The following AP1G1 variants were observed in gnomAD, a reference collection of about 807,000 sequenced individuals.
AP1G1 encodes the protein AP-1 complex subunit gamma-1.
AP1G1 carries 7 observed loss-of-function variants against 108.3 expected under a neutral mutation model. That is an observed-to-expected ratio of 0.06 (90% CI 0.04 to 0.12). The LOEUF is 0.12. Among genes scored for constraint, AP1G1 ranks in the 10% least tolerant of loss-of-function variants. AP1G1 has a pLI of 1.00. For synonymous variants in AP1G1, 379 were observed against 353.5 expected, an observed-to-expected ratio of 1.07 and a Z score of -0.81; for missense variants, 756 against 1,010.7, an observed-to-expected ratio of 0.75 and a Z score of 3.42.
chr16:71,801,044 T>A (rs1597092692), intron 1 of AP1G1, among the ~76,000 whole-genome samples: 1 of 151,310 alleles, frequency 6.6e-6, no homozygotes, highest in Non-Finnish European at 1.5e-5. Context: ...CGGTGGCTCA[T>A]GCCTGTAATC....
intron 1 of AP1G1, among the ~76,000 whole-genome samples, chr16:71,798,893 G>GA (rs796407724): frequency 4.6e-4 from 63 of 137,302 alleles, no homozygotes; most frequent in South Asian, 3.7e-3. Flanking sequence ...TGTCTCCCAG[G>GA]AAAAAAAAAA....
At chr16:71,740,813 TG>T (rs2045609962) in intron 19 of AP1G1, among the ~76,000 whole-genome samples, 1 of 152,078 alleles carries the variant, frequency 6.6e-6, no homozygotes, top group Admixed American at 6.5e-5. Flanking sequence ...CAAAAAGAAA[TG>T]GGATGAGAGG....
chr16:71,797,125 A>G (rs2032615248), intron 1 of AP1G1, among the ~76,000 whole-genome samples: 1 of 151,962 alleles, frequency 6.6e-6, no homozygotes, highest in Admixed American at 6.6e-5. Context: ...GACACTAATG[A>G]AATAAAAAAA....
At chr16:71,755,640 T>A (rs1363630268) in intron 12 of AP1G1, among the ~76,000 whole-genome samples, 1 of 148,026 alleles carries the variant, frequency 6.8e-6, no homozygotes, top group African/African-American at 2.5e-5. Context: ...AGTTTCCCCA[T>A]TTTTTTTTTT....
chr16:71,784,276 G>A (rs2032123645), intron 2 of AP1G1, among the ~76,000 whole-genome samples: 1 of 152,142 alleles, frequency 6.6e-6, no homozygotes, highest in Non-Finnish European at 1.5e-5. Context: ...AGGAAACTGA[G>A]ACACAGAAAG....
At chr16:71,769,779 G>A in intron 5 of AP1G1, 80 bp from the exon 6 acceptor site, 1 of 1,186,764 alleles carries the variant, frequency 8.4e-7, no homozygotes, top group Middle Eastern at 2.1e-4. Context: ...GTTCCTGAAG[G>A]TCAATTCCAA....
Position 71,769,616 on chromosome 16 carries a change from C to T in AP1G1, c.642+7G>A. On this transcript the variant is annotated splice_region_variant and intron_variant, in intron 6 of 22. Transcript: ENST00000299980. ...AGAAAGGCTTAGGCATACAGAATGG[C>T]ACCTACCTTTCTGAAATGCGCAAGC... 6.2e-7 allele frequency: 1 copy of T among 1,609,288 alleles called. No individual in the cohort carries two copies. The highest frequency in any genetic ancestry group is 8.5e-7 in the Non-Finnish European group (1 of 1,175,876).
chr16:71,776,692 T>A (rs1389035685), intron 2 of AP1G1, among the ~76,000 whole-genome samples: 2 of 152,220 alleles, frequency 1.3e-5, no homozygotes, highest in South Asian at 4.1e-4. Flanking sequence ...AGATAAATTA[T>A]CCAAAAATAT....
intron 12 of AP1G1, among the ~76,000 whole-genome samples, chr16:71,755,516 G>A (rs949041377): frequency 2.6e-5 from 4 of 152,184 alleles, no homozygotes; most frequent in Non-Finnish European, 2.9e-5. Flanking sequence ...TCATAAAAGT[G>A]TGAAATTTTT....
At position 71,799,138 on chromosome 16, in the gene AP1G1, T is replaced by C. The variant is rs190148430; in HGVS notation, c.-4+9625A>G. Among the ~76,000 whole-genome samples the C allele has an allele frequency of 2.3e-3, 352 of 152,290 alleles. 1 individual carries two copies. Among genetic ancestry groups the C allele is most frequent in the Non-Finnish European group, 4.3e-3 (292 of 68,028 alleles). On this transcript the variant is annotated intron_variant, in intron 1 of 22. Coordinates refer to ENST00000299980, the MANE Select transcript of AP1G1 (RefSeq NM_001128.6). Reference sequence around the variant, plus strand: ...ATGACCCATTTATCATCTAGCAGACTAGTAAAAATTAAACTATGTATTTAT... The same window carrying C: ...ATGACCCATTTATCATCTAGCAGACCAGTAAAAATTAAACTATGTATTTAT...
chr16:71,807,192 G>A (rs930177829), intron 1 of AP1G1, among the ~76,000 whole-genome samples: 2 of 81,722 alleles, frequency 2.4e-5, no homozygotes, highest in African/African-American at 5.6e-5. Flanking sequence ...TTGGGAGGCC[G>A]AGGCGGGCGG....
At chr16:71,787,103 G>A (rs746570728) in intron 2 of AP1G1, among the ~76,000 whole-genome samples, 11 of 151,694 alleles carry the variant, frequency 7.3e-5, no homozygotes, top group East Asian at 1.9e-4. Flanking sequence ...GACAGATAAC[G>A]AGGTCAGGAA....
rs1049750769 is a variant in AP1G1 at position 71,734,693 on chromosome 16, C to A, written c.2283G>T (p.Gln761His). Residue 761 changes from glutamine to histidine, a missense_variant, in exon 22 of 23, where the codon CAG (glutamine) becomes CAT (histidine). Around this residue, in one of 3 missense-constraint regions of AP1G1, gnomAD observed 95 missense variants for 160.5 expected, o/e 0.59. Coordinates refer to ENST00000299980, the MANE Select transcript of AP1G1 (RefSeq NM_001128.6). Reference protein sequence around the residue: ...QAAVPKTFQLQLLSPSSSIVP... With the variant: ...QAAVPKTFQLHLLSPSSSIVP... ...CAATGCTGCTGCTAGGAGACAAGAG[C>A]TGCAGCTGGAATGTCTAGGGGGGAA... 16 of 1,613,774 alleles carry A rather than the reference C, an allele frequency of 9.9e-6. No individual in the cohort carries two copies. The highest frequency in any genetic ancestry group is 1.3e-5 in the Non-Finnish European group (15 of 1,179,836).
intron 2 of AP1G1, 47 bp from the exon 3 acceptor site, chr16:71,774,639 A>G (rs1325876463): frequency 2.0e-6 from 3 of 1,534,776 alleles, no homozygotes; most frequent in Middle Eastern, 1.8e-4. Flanking sequence ...ACTTGCTACC[A>G]CAATCTAGAA....
At chr16:71,785,443 G>C (rs1217115526) in intron 2 of AP1G1, among the ~76,000 whole-genome samples, 4 of 151,916 alleles carry the variant, frequency 2.6e-5, no homozygotes, top group Non-Finnish European at 5.9e-5. Context: ...GGGTGTGGTG[G>C]CAGGTGCCTG....
At chr16:71,789,823 A>C (rs2032331711) in intron 1 of AP1G1, among the ~76,000 whole-genome samples, 1 of 152,252 alleles carries the variant, frequency 6.6e-6, no homozygotes, top group Non-Finnish European at 1.5e-5. Flanking sequence ...TAAAGTAATA[A>C]GGAAAGGCCT....
chr16:71,761,313 A>G (rs2031071359), intron 10 of AP1G1, among the ~76,000 whole-genome samples, 199 bp downstream of exon 10: 1 of 152,228 alleles, frequency 6.6e-6, no homozygotes, highest in East Asian at 1.9e-4. Context: ...CCTGATTTAC[A>G]GAACAAATAG....
chr16:71,745,498 G>A lies in AP1G1; in HGVS notation c.1847C>T (p.Pro616Leu). 1.2e-6 allele frequency: 2 copies of A among 1,614,150 alleles called. No homozygotes were observed. The highest frequency in any genetic ancestry group is 1.7e-6 in the Non-Finnish European group (2 of 1,180,000). ...EPAPLETKPP[P>L]SGPQPTSQAN... ...CTGGCTGGTGGGCTGTGGCCCAGAG[G>A]GTGGCGGTTTGGTCTCTAGTGGAGC... Residue 616 changes from proline (P) to leucine (L), a missense_variant, in exon 18 of 23, where the codon CCC becomes CTC. By Grantham distance (98) the Pro-to-Leu change is moderately conservative. Coordinates refer to ENST00000299980, the MANE Select transcript of AP1G1 (RefSeq NM_001128.6).
At chr16:71,749,361 T>A (rs1269587672) in intron 15 of AP1G1, among the ~76,000 whole-genome samples, 1 of 151,856 alleles carries the variant, frequency 6.6e-6, no homozygotes, top group Admixed American at 6.6e-5. Flanking sequence ...TGCCTGCCTA[T>A]AGTCCCAGCT....
Sources: allele counts gnomAD v4.1 joint callset (sites outside exome capture counted in the v4.1 genomes callset), GRCh38; gene constraint gnomAD v4.1.1; regional missense constraint gnomAD v4.1.1; transcripts MANE v1.5; gene names NCBI Gene and HGNC (gene_info 2026-07-23, HGNC 2026-07-21).